Variants in CSMD1 observed in about 807,000 individuals in gnomAD.
CSMD1 encodes CUB and sushi domain-containing protein 1.
CSMD1 carries 213 observed loss-of-function variants against 417.5 expected under a neutral mutation model. That is an observed-to-expected ratio of 0.51 (90% confidence interval 0.46 to 0.57). The LOEUF (loss-of-function observed/expected upper bound fraction) is 0.57. Ranked by LOEUF, CSMD1 falls within the 20% of genes least tolerant of loss-of-function variation. CSMD1 has a pLI of 0.00. For synonymous variants in CSMD1, 2,862 were observed against 1,736.8 expected, an observed-to-expected ratio of 1.65 and a Z score of -16.11; for missense variants, 6,923 against 4,529.7, an observed-to-expected ratio of 1.53 and a Z score of -15.17.
chr8:4,313,344 G>C (rs970310381), intron 3 of CSMD1, among the ~76,000 whole-genome samples: 2 of 137,862 alleles, frequency 1.5e-5, no homozygotes, highest in African/African-American at 6.0e-5. Flanking sequence ...CCATCATGGG[G>C]GTAGCAGACC....
At chr8:3,372,424 C>G (rs1034741781) in intron 18 of CSMD1, among the ~76,000 whole-genome samples, 1 of 152,024 alleles carries the variant, frequency 6.6e-6, no homozygotes, top group African/African-American at 2.4e-5. Flanking sequence ...GGGGTTTAGC[C>G]CTGCTCCTGA....
chr8:4,426,273 T>G (rs956997263), intron 2 of CSMD1, among the ~76,000 whole-genome samples: 13 of 151,696 alleles, frequency 8.6e-5, no homozygotes, highest in Admixed American at 8.6e-4. Flanking sequence ...TTATTCCAAT[T>G]TCTGTTCTAG....
At chr8:3,959,572 T>C (rs1812186811) in intron 5 of CSMD1, among the ~76,000 whole-genome samples, 1 of 152,206 alleles carries the variant, frequency 6.6e-6, no homozygotes, top group African/African-American at 2.4e-5. Flanking sequence ...ATAGTTTTTG[T>C]CTCTTTTAAT....
At position 4,512,477 on chromosome 8, in the gene CSMD1, A is replaced by G. The variant is rs566006444; in HGVS notation, c.303-92412T>C. The stretch of plus-strand genomic sequence containing the variant: ...AATGGAATACAGATAGAGAAGGAAG[A>G]AATAAAAGTTGTTTATTCCCTGCAG... On this transcript the variant is annotated intron_variant, in intron 2 of 69. Coordinates refer to ENST00000635120, the MANE Select transcript of CSMD1 (RefSeq NM_033225.6). Among the ~76,000 whole-genome samples the G allele has an allele frequency of 8.5e-5, 13 of 152,318 alleles. No individual in the cohort carries two copies. In the South Asian group the frequency reaches 2.7e-3, roughly 32 times the overall value.
intron 27 of CSMD1, among the ~76,000 whole-genome samples, chr8:3,227,140 C>A (rs990436038): frequency 6.6e-6 from 1 of 152,088 alleles, no homozygotes; most frequent in Non-Finnish European, 1.5e-5. Flanking sequence ...ATGGCTCACA[C>A]CTGCAATCCC....
At chr8:4,726,595 C>T (rs1338489710) in intron 1 of CSMD1, among the ~76,000 whole-genome samples, 1 of 152,116 alleles carries the variant, frequency 6.6e-6, no homozygotes, top group Non-Finnish European at 1.5e-5. Flanking sequence ...CTAGGGCCTC[C>T]CATCAGCTTC....
chr8:3,399,670 G>T (rs1475905802), intron 15 of CSMD1, 141 bp from the exon 16 acceptor site: 1 of 617,558 alleles, frequency 1.6e-6, no homozygotes, highest in Admixed American at 3.7e-5. Context: ...TATTCCCAAG[G>T]AAACTGTACA....
At chr8:4,191,809 C>A (rs865928126) in intron 3 of CSMD1, among the ~76,000 whole-genome samples, 2 of 151,254 alleles carry the variant, frequency 1.3e-5, no homozygotes, top group South Asian at 2.1e-4. Context: ...GACTTCATCT[C>A]CTATCGAATG....
intron 5 of CSMD1, among the ~76,000 whole-genome samples, chr8:3,855,313 T>C (rs1226978957): frequency 1.3e-5 from 2 of 152,170 alleles, no homozygotes; most frequent in African/African-American, 4.8e-5. Context: ...CATTAAAAAT[T>C]ATCTATATTT....
At chr8:4,832,776 A>G (rs377388941) in intron 1 of CSMD1, among the ~76,000 whole-genome samples, 62 of 152,312 alleles carry the variant, frequency 4.1e-4, no homozygotes, top group African/African-American at 1.1e-3. Flanking sequence ...GAACCATTAA[A>G]AAGTGGACCC....
intron 4 of CSMD1, among the ~76,000 whole-genome samples, chr8:4,027,309 G>C (rs932636813): frequency 2.5e-4 from 38 of 152,174 alleles, no homozygotes; most frequent in African/African-American, 7.5e-4. Flanking sequence ...GGAGTAGAAA[G>C]TAGGATGATG....
At chr8:3,570,684 G>C (rs1428227080) in intron 10 of CSMD1, among the ~76,000 whole-genome samples, 2 of 152,048 alleles carry the variant, frequency 1.3e-5, no homozygotes, top group South Asian at 2.1e-4. Flanking sequence ...CCAAACTTTC[G>C]GTTTTTAGTT....
At chr8:4,887,203 A>G (rs951703567) in intron 1 of CSMD1, among the ~76,000 whole-genome samples, 3 of 152,112 alleles carry the variant, frequency 2.0e-5, no homozygotes, top group African/African-American at 4.8e-5. Context: ...AAAGTATTTT[A>G]TAATTTACAT....
At chr8:3,311,282 G>C (rs930405924) in intron 23 of CSMD1, among the ~76,000 whole-genome samples, 2 of 151,934 alleles carry the variant, frequency 1.3e-5, no homozygotes, top group African/African-American at 4.8e-5. Flanking sequence ...AATGCAGTCT[G>C]TCTGTTGCCC....
At chr8:4,742,483 C>T (rs564800402) in intron 1 of CSMD1, among the ~76,000 whole-genome samples, 14 of 152,070 alleles carry the variant, frequency 9.2e-5, no homozygotes, top group South Asian at 4.2e-4. Context: ...TTCACATACA[C>T]GCACACATAC....
At chr8:4,706,821 C>A (rs1807974083) in intron 1 of CSMD1, among the ~76,000 whole-genome samples, 1 of 152,186 alleles carries the variant, frequency 6.6e-6, no homozygotes, top group African/African-American at 2.4e-5. Context: ...GTCAGATAAA[C>A]ACAGTTGACC....
At position 3,771,665 on chromosome 8, in the gene CSMD1, C is replaced by G. The variant is rs1274033769; in HGVS notation, c.819-17623G>C. On this transcript the variant is annotated intron_variant, in intron 5 of 69. Transcript: ENST00000635120. ...TGAATCACCCCCAGGAAGCAAAACA[C>G]AGGAGGAAGAGAACGGAGAGGCCCC... Among the ~76,000 whole-genome samples, 9 of 152,228 alleles carry G rather than the reference C, an allele frequency of 5.9e-5. No homozygotes were observed. In the South Asian group the frequency reaches 1.7e-3, roughly 28 times the overall value.
chr8:4,729,812 C>T lies in CSMD1; in HGVS notation c.86-92254G>A, dbSNP rs78417328. 3.4e-4 allele frequency among the ~76,000 whole-genome samples: 52 copies of T among 152,260 alleles called. 2 individuals are homozygous for T. The East Asian group carries it at 9.7e-3, about 28-fold the overall frequency. On this transcript the variant is annotated intron_variant, in intron 1 of 69. Transcript: ENST00000635120. ...TAATCAATAATGAAATAAAAGTTTT[C>T]CATTGCAATCACAGTAAAAGCAAAG...
chr8:3,706,100 T>A (rs922549013), intron 7 of CSMD1, among the ~76,000 whole-genome samples: 1 of 152,208 alleles, frequency 6.6e-6, no homozygotes, highest in African/African-American at 2.4e-5. Context: ...TGTGCCTACC[T>A]CCCCTACCGT....
Sources: gnomAD v4.1 joint callset for allele counts (sites outside exome capture counted in the v4.1 genomes callset) on GRCh38, gnomAD v4.1.1 for gene constraint, MANE v1.5 for transcripts, NCBI Gene and HGNC (gene_info 2026-07-23, HGNC 2026-07-21) for gene names.